Variants in PRKAR1B observed in about 807,000 individuals in gnomAD.
PRKAR1B encodes the protein protein kinase cAMP-dependent type I regulatory subunit beta, also known as cAMP-dependent protein kinase type I-beta regulatory subunit.
A neutral mutation model predicts 46.5 loss-of-function variants in PRKAR1B; 22 were observed. The observed-to-expected ratio is 0.47, with a 90% CI of 0.34 to 0.68. The LOEUF is 0.68. Ranked by LOEUF, PRKAR1B falls within the 30% of genes least tolerant of loss-of-function variation. The probability of loss-of-function intolerance (pLI) is 0.01; values close to 1 mark genes in which losing one functional copy is unlikely to be tolerated. For missense variants in PRKAR1B, 445 were observed against 535.6 expected, an observed-to-expected ratio of 0.83 and a Z score of 1.67; for synonymous variants, 259 against 217.7, an observed-to-expected ratio of 1.19 and a Z score of -1.67.
intron 3 of PRKAR1B, among the ~76,000 whole-genome samples, chr7:678,557 G>C (rs1562609292): frequency 1.3e-5 from 2 of 152,216 alleles, no homozygotes; most frequent in African/African-American, 4.8e-5. Flanking sequence ...GAACATTTCA[G>C]ATGCCAGGAT....
rs1172740838 is a variant in PRKAR1B, at chr7:602,110, C to T, written c.549+4083G>A. Among the ~76,000 whole-genome samples the T allele has an allele frequency of 6.6e-6, 1 of 152,170 alleles. No homozygotes were observed. Among genetic ancestry groups the T allele is most frequent in the Non-Finnish European group, 1.5e-5 (1 of 68,024 alleles). ...CGTCGTGTCTGAGAGAAAACCGTCT[C>T]CCCTCCACTCAGGCTTCAGCCCCGA... On this transcript the variant is annotated intron_variant, in intron 6 of 10. Coordinates refer to ENST00000537384, the MANE Select transcript of PRKAR1B (RefSeq NM_001164760.2). This position sits in a 1 kb window ranked among gnomAD's most constrained non-coding sequence, Gnocchi z 6.4.
intron 9 of PRKAR1B, among the ~76,000 whole-genome samples, chr7:573,046 C>G (rs1188979065): frequency 2.0e-5 from 3 of 152,212 alleles, no homozygotes. Context: ...CCGCACCTGT[C>G]TGATGCTGTC....
intron 3 of PRKAR1B, among the ~76,000 whole-genome samples, chr7:680,254 T>C (rs1219254058): frequency 1.3e-5 from 2 of 151,658 alleles, no homozygotes. Flanking sequence ...TCCAAGGACC[T>C]GGATGCCAGC....
intron 4 of PRKAR1B, among the ~76,000 whole-genome samples, chr7:637,172 G>A (rs192353098): frequency 5.9e-5 from 9 of 152,168 alleles, no homozygotes; most frequent in East Asian, 3.9e-4. Context: ...CTGTAGTCCC[G>A]GCTCCTCGGG....
chr7:648,803 A>C, intron 4 of PRKAR1B, among the ~76,000 whole-genome samples: 1 of 151,882 alleles, frequency 6.6e-6, no homozygotes. Context: ...TAAATAAATA[A>C]ATGAAATATA....
intron 1 of PRKAR1B, among the ~76,000 whole-genome samples, chr7:716,222 A>ATT (rs778689872): frequency 0.015 from 1,878 of 122,192 alleles, 30 homozygotes; most frequent in African/African-American, 0.037. Context: ...ACTTAAAAAC[A>ATT]TTTTTTTTTT....
chr7:550,640 G>C (rs1784123265), intron 10 of PRKAR1B, 38 bp from the exon 11 acceptor site: 2 of 1,491,368 alleles, frequency 1.3e-6, no homozygotes, highest in East Asian at 2.3e-5. Context: ...TGGGCCTGGG[G>C]GTCCTGAGGC....
intron 4 of PRKAR1B, among the ~76,000 whole-genome samples, chr7:674,482 T>C (rs889038984): frequency 4.8e-5 from 7 of 146,570 alleles, no homozygotes; most frequent in Admixed American, 4.1e-4. Flanking sequence ...AACCCAGCTA[T>C]TCCAGCCACA....
At chr7:649,979 ATTTTT>A (rs762320346) in intron 4 of PRKAR1B, among the ~76,000 whole-genome samples, 1 of 135,278 alleles carries the variant, frequency 7.4e-6, no homozygotes, top group Non-Finnish European at 1.6e-5. Context: ...GGCCCAGCTA[ATTTTT>A]TTTTTTTTTT....
rs1784523874 is a variant in PRKAR1B, at chr7:644,246, G to T, written c.440+32983C>A. ...CCTCATATTATAGAATGACTCCCCT[G>T]TTCAAGGCATCGTTGAAATGTCCGT... On this transcript the variant is annotated intron_variant, in intron 4 of 10. Transcript: ENST00000537384. The surrounding 1 kb of genome is among the most constrained non-coding windows in gnomAD (Gnocchi z 4.9). Among the ~76,000 whole-genome samples, 2 of 152,104 alleles carry T rather than the reference G, an allele frequency of 1.3e-5. No individual in the cohort carries two copies. The highest frequency in any genetic ancestry group is 2.9e-5 in the Non-Finnish European group (2 of 68,030).
At chr7:675,481 A>G (rs1252961518) in intron 4 of PRKAR1B, among the ~76,000 whole-genome samples, 1 of 152,248 alleles carries the variant, frequency 6.6e-6, no homozygotes, top group Non-Finnish European at 1.5e-5. Flanking sequence ...TAGTATCAAA[A>G]TATGCTCAGT....
intron 9 of PRKAR1B, among the ~76,000 whole-genome samples, chr7:562,737 C>A (rs866249728): frequency 5.9e-5 from 9 of 152,220 alleles, no homozygotes; most frequent in African/African-American, 2.2e-4. Flanking sequence ...CGGCCAGCAG[C>A]ATTTCATCTT....
At position 666,030 on chromosome 7, in the gene PRKAR1B, G is replaced by A. The variant is rs552980722; in HGVS notation, c.440+11199C>T. ...GAGGTGCCCTCGCCTGTGCCCGTCT[G>A]GCAGCTCCAGTAATGAGGTCCCCGC... On this transcript the variant is annotated intron_variant, in intron 4 of 10. Transcript: ENST00000537384. This position sits in a 1 kb window ranked among gnomAD's most constrained non-coding sequence, Gnocchi z 4.9. Among the ~76,000 whole-genome samples, 262 of 152,296 alleles carry A rather than the reference G, an allele frequency of 1.7e-3. 1 individual carries two copies. Among genetic ancestry groups the A allele is most frequent in the African/African-American group, 5.8e-3 (242 of 41,570 alleles).
chr7:578,318 G>A (rs556536804), intron 9 of PRKAR1B, among the ~76,000 whole-genome samples: 52 of 152,306 alleles, frequency 3.4e-4, no homozygotes, highest in African/African-American at 1.2e-3. Context: ...CACGGACTGC[G>A]GCCCCAGCAC....
intron 2 of PRKAR1B, among the ~76,000 whole-genome samples, chr7:707,973 C>T (rs561397264): frequency 6.6e-6 from 1 of 151,970 alleles, no homozygotes; most frequent in African/African-American, 2.4e-5. Flanking sequence ...CCCACCACAC[C>T]TTGATCTCAG....
At chr7:585,007 C>T (rs924752937) in intron 7 of PRKAR1B, among the ~76,000 whole-genome samples, 3 of 152,078 alleles carry the variant, frequency 2.0e-5, no homozygotes, top group Non-Finnish European at 4.4e-5. Context: ...CAGCTAAGAC[C>T]CTGGATCCAG....
chr7:550,418 C>T lies in PRKAR1B; in HGVS notation c.*12G>A, dbSNP rs768373297. On this transcript the variant is annotated 3_prime_UTR_variant, in exon 11 of 11. Coordinates refer to ENST00000537384, the MANE Select transcript of PRKAR1B (RefSeq NM_001164760.2). ...ACACTGGGGAGCTGGGGCTGCAGGGCGGGAGCTGTGCTCAGACGGTGAGGG... is the reference window on the plus strand; with the variant it reads ...ACACTGGGGAGCTGGGGCTGCAGGGTGGGAGCTGTGCTCAGACGGTGAGGG... 6.6e-5 allele frequency: 105 copies of T among 1,579,336 alleles called. No homozygotes were observed. Among genetic ancestry groups the T allele is most frequent in the African/African-American group, 8.1e-5 (6 of 74,078 alleles).
chr7:674,923 C>A (rs182865033), intron 4 of PRKAR1B, among the ~76,000 whole-genome samples: 2 of 152,320 alleles, frequency 1.3e-5, no homozygotes, highest in Non-Finnish European at 2.9e-5. Context: ...TGCCAAGACC[C>A]TTGAAGGCCA....
At chr7:595,492 G>T (rs1333161976) in intron 7 of PRKAR1B, among the ~76,000 whole-genome samples, 1 of 152,198 alleles carries the variant, frequency 6.6e-6, no homozygotes, top group Non-Finnish European at 1.5e-5. Context: ...GGGCCTGGCA[G>T]GTGGGGTGTG....
Sources: allele counts gnomAD v4.1 joint callset (sites outside exome capture counted in the v4.1 genomes callset), GRCh38; gene constraint gnomAD v4.1.1; non-coding constraint Gnocchi (gnomAD v3.1); transcripts MANE v1.5; gene names NCBI Gene and HGNC (gene_info 2026-07-23, HGNC 2026-07-21).